The following NCOA1 variants were observed in gnomAD, a reference collection of about 807,000 sequenced individuals.
NCOA1 encodes Hin-2 protein.
A neutral mutation model predicts 150.9 loss-of-function variants in NCOA1; 35 were observed. That is an observed-to-expected ratio of 0.23 (90% CI 0.18 to 0.31). The LOEUF is 0.31. Ranked by LOEUF, NCOA1 falls within the 10% of genes least tolerant of loss-of-function variation. NCOA1 has a pLI of 1.00. For synonymous variants in NCOA1, 590 were observed against 630.0 expected (o/e 0.94, Z 0.95); for missense variants, 1,491 against 1,749.3 (o/e 0.85, Z 2.63).
chr2:24,493,512 C>G (rs929094882), intron 1 of NCOA1, among the ~76,000 whole-genome samples: 1 of 151,990 alleles, frequency 6.6e-6, no homozygotes, highest in South Asian at 2.1e-4. Context: ...CCTTATTTCT[C>G]TCAGAAAACC....
Position 24,576,152 on chromosome 2 carries a change from TTTTTTTTTTTGTTTTTTG to T in NCOA1, c.-259-8313_-259-8296del, listed in dbSNP as rs1363131565. The stretch of plus-strand genomic sequence containing the variant: ...TTTCAGAAATTATTTGGCCTTTGTT[TTTTTTTTTTTGTTTTTTG>T]TTTTTTTTTTTTTTTTTTTTTGTTT... On this transcript the variant is annotated intron_variant, in intron 2 of 22. Transcript: ENST00000348332. 2.7e-3 allele frequency among the ~76,000 whole-genome samples: 264 copies of T among 96,044 alleles called. 4 individuals carry two copies. Among genetic ancestry groups the T allele is most frequent in the Non-Finnish European group, 4.3e-3 (201 of 46,468 alleles). The allele number at this position is 96,044 out of a possible 152,430, so 63.0% of individuals were successfully genotyped here.
chr2:24,515,017 T>A (rs1194525254), intron 1 of NCOA1, among the ~76,000 whole-genome samples: 2 of 152,200 alleles, frequency 1.3e-5, no homozygotes. Flanking sequence ...CTTATCAATC[T>A]GTGACCTTTG....
chr2:24,724,283 T>A (rs751978179), intron 14 of NCOA1, among the ~76,000 whole-genome samples: 8 of 152,186 alleles, frequency 5.3e-5, no homozygotes, highest in Non-Finnish European at 1.0e-4. Flanking sequence ...TATTGTCCTG[T>A]ATTACATGTA....
At chr2:24,622,905 A>G (rs549315303) in intron 3 of NCOA1, among the ~76,000 whole-genome samples, 2 of 152,312 alleles carry the variant, frequency 1.3e-5, no homozygotes, top group South Asian at 4.1e-4. Context: ...GTAGAAGAAC[A>G]TTGGTACTTC....
Position 24,499,115 on chromosome 2 carries a change from C to G in NCOA1, c.-396+7513C>G, listed in dbSNP as rs1209870521. On this transcript the variant is annotated intron_variant, in intron 1 of 22. Transcript: ENST00000348332. The stretch of plus-strand genomic sequence containing the variant: ...CTTGCCCAAGAGTTAGCCAGTTGAT[C>G]CAACATAATTTATTAACATATTCAT... 2.0e-5 allele frequency among the ~76,000 whole-genome samples: 3 copies of G among 152,072 alleles called. No individual in the cohort carries two copies. In the East Asian group the frequency reaches 5.8e-4, roughly 29 times the overall value.
chr2:24,635,065 A>G (rs1669880634), intron 3 of NCOA1, among the ~76,000 whole-genome samples: 1 of 152,162 alleles, frequency 6.6e-6, no homozygotes, highest in Non-Finnish European at 1.5e-5. Flanking sequence ...ACAGATGATC[A>G]TGTAATAACC....
rs1218092145 is a variant in NCOA1, at chr2:24,715,478, A to G, written c.2599+4367A>G. On this transcript the variant is annotated intron_variant, in intron 14 of 22. Transcript: ENST00000348332. Reference sequence around the variant, plus strand: ...TTTTTTAACAGAAAAATATTCTATAAGTGTCCTGCATGTAGAAAATCCTAA... The same window carrying G: ...TTTTTTAACAGAAAAATATTCTATAGGTGTCCTGCATGTAGAAAATCCTAA... Among the ~76,000 whole-genome samples the G allele has an allele frequency of 2.8e-4, 43 of 152,210 alleles. 1 individual carries two copies. The highest frequency in any genetic ancestry group is 2.9e-5 in the Non-Finnish European group (2 of 68,018).
At chr2:24,741,179 A>G (rs1269394474) in intron 18 of NCOA1, among the ~76,000 whole-genome samples, 1 of 152,182 alleles carries the variant, frequency 6.6e-6, no homozygotes, top group East Asian at 1.9e-4. Context: ...TTGTAAAGGT[A>G]GTACATGTTC....
intron 1 of NCOA1, among the ~76,000 whole-genome samples, chr2:24,502,645 G>C (rs577246136): frequency 6.6e-6 from 1 of 152,228 alleles, no homozygotes; most frequent in Non-Finnish European, 1.5e-5. Context: ...TTTCCCACTA[G>C]TCTGCCCCAG....
chr2:24,617,668 A>G (rs567933911), intron 3 of NCOA1, among the ~76,000 whole-genome samples: 1 of 152,298 alleles, frequency 6.6e-6, no homozygotes, highest in East Asian at 1.9e-4. Context: ...GTTATCTCCC[A>G]TAAACTCAGG....
At chr2:24,611,244 T>C (rs1668608969) in intron 3 of NCOA1, among the ~76,000 whole-genome samples, 1 of 152,212 alleles carries the variant, frequency 6.6e-6, no homozygotes, top group Non-Finnish European at 1.5e-5. Flanking sequence ...CTTAGAATAA[T>C]GGCCTACATC....
rs117479961 is a variant in NCOA1 at position 24,595,999 on chromosome 2, G to C, written c.-175+11439G>C. On this transcript the variant is annotated intron_variant, in intron 3 of 22. Transcript: ENST00000348332. ...TGTTGAGGTAGACTTTCAGGAGTGA[G>C]ATCATGAGATTTCAGACTATAAGAA... Among the ~76,000 whole-genome samples the C allele has an allele frequency of 3.0e-3, 451 of 152,228 alleles. 22 individuals are homozygous for C. The East Asian group carries it at 0.076, about 26-fold the overall frequency.
intron 1 of NCOA1, among the ~76,000 whole-genome samples, chr2:24,496,430 G>A (rs1663217074): frequency 6.6e-6 from 1 of 152,134 alleles, no homozygotes; most frequent in African/African-American, 2.4e-5. Context: ...GCTTTTACAT[G>A]TTCCATTTTC....
intron 11 of NCOA1, 63 bp downstream of exon 11, chr2:24,697,861 G>A (rs935464961): frequency 7.3e-5 from 105 of 1,444,606 alleles, no homozygotes; most frequent in Admixed American, 7.2e-4. Flanking sequence ...TGAATAGTTC[G>A]TATAGAACTT....
In NCOA1 at chr2:24,491,493, G is replaced by A. The variant is rs1350108286; in HGVS notation, c.-505G>A. 2.4e-3 allele frequency among the ~76,000 whole-genome samples: 1 copy of A among 414 alleles called. No homozygotes were observed. Among genetic ancestry groups the A allele is most frequent in the African/African-American group, 8.1e-3 (1 of 124 alleles). 0.3% of individuals were successfully genotyped at this position (414 alleles called of 152,430 possible). On this transcript the variant is annotated 5_prime_UTR_variant, in exon 1 of 23. Coordinates refer to ENST00000348332, the MANE Select transcript of NCOA1 (RefSeq NM_003743.5). ...ACCCCTGCTCCGGAGGAGGGGGCCG[G>A]AGAGCCGCGGCGCCGGGCCCGAGGA...
intron 19 of NCOA1, among the ~76,000 whole-genome samples, chr2:24,744,036 C>T (rs956911738): frequency 6.6e-6 from 1 of 152,146 alleles, no homozygotes; most frequent in Non-Finnish European, 1.5e-5. Flanking sequence ...TTCAGTGCCC[C>T]GGTTCTCATG....
Position 24,673,441 on chromosome 2 carries a change from C to T in NCOA1, c.332C>T (p.Ser111Phe). 1 of 1,589,074 alleles carries T rather than the reference C, an allele frequency of 6.3e-7. No individual in the cohort carries two copies. The highest frequency in any genetic ancestry group is 1.2e-5 in the South Asian group (1 of 83,060). ...SSSQGVIEKE[S>F]LGPLLLEALD... ...AGTCAAGGAGTGATAGAAAAGGAATCCTTGGGACCTCTTCTTTTGGAGGTA... is the reference window on the plus strand; with the variant it reads ...AGTCAAGGAGTGATAGAAAAGGAATTCTTGGGACCTCTTCTTTTGGAGGTA... The change falls in exon 7 of 23, where the codon TCC (serine) becomes TTC (phenylalanine). Residue 111 changes from serine to phenylalanine, a missense_variant. Physicochemically the swap from Ser to Phe is radical, Grantham distance 155. Transcript: ENST00000348332.
intron 3 of NCOA1, among the ~76,000 whole-genome samples, chr2:24,633,959 TG>T (rs55648645): frequency 0.042 from 6,452 of 152,230 alleles, 208 homozygotes; most frequent in African/African-American, 0.093. Context: ...AATACAAAAA[TG>T]GCTAAGATGT....
intron 3 of NCOA1, among the ~76,000 whole-genome samples, chr2:24,641,617 A>T (rs1217021413): frequency 6.6e-6 from 1 of 152,046 alleles, no homozygotes; most frequent in African/African-American, 2.4e-5. Context: ...TTTTTGCTGG[A>T]TGTAGAATTG....
Sources: gnomAD v4.1 joint callset for allele counts (sites outside exome capture counted in the v4.1 genomes callset) on GRCh38, gnomAD v4.1.1 for gene constraint, MANE v1.5 for transcripts, NCBI Gene and HGNC (gene_info 2026-07-23, HGNC 2026-07-21) for gene names.